SH3KBP1: variants seen among roughly 807,000 people sequenced by gnomAD.
The protein encoded by SH3KBP1 is SH3 domain-containing kinase-binding protein 1.
In SH3KBP1, 8 loss-of-function variants were observed where a neutral mutation model predicts 50.1. The observed-to-expected ratio is 0.16, with a 90% CI of 0.09 to 0.29. The LOEUF (loss-of-function observed/expected upper bound fraction) is 0.29. Ranked by LOEUF, SH3KBP1 falls within the 10% of genes least tolerant of loss-of-function variation. The pLI, the probability that SH3KBP1 is intolerant of heterozygous loss-of-function variation, is 1.00. For missense variants in SH3KBP1, 377 were observed against 535.2 expected (o/e 0.70, Z 2.92); for synonymous variants, 227 against 218.6 (o/e 1.04, Z -0.34).
chrX:19,567,011 G>A (rs766340984), intron 13 of SH3KBP1, among the ~76,000 whole-genome samples: 11 of 110,557 alleles, frequency 9.9e-5, no homozygotes, highest in African/African-American at 3.3e-4. Context: ...GCCAACCATC[G>A]CACATCTGTT....
At chrX:19,773,971 T>C (rs982119901) in intron 2 of SH3KBP1, among the ~76,000 whole-genome samples, 2 of 107,740 alleles carry the variant, frequency 1.9e-5, no homozygotes, top group Non-Finnish European at 3.8e-5. Context: ...CATGTGGCTC[T>C]GGGGAGAAGA....
intron 2 of SH3KBP1, among the ~76,000 whole-genome samples, chrX:19,834,484 AG>A (rs2068003482): frequency 8.9e-6 from 1 of 112,290 alleles, no homozygotes; most frequent in African/African-American, 3.2e-5. Context: ...GTTTATGGCA[AG>A]GGGACTTCTA....
In SH3KBP1 at chrX:19,634,543, AC is replaced by A. The variant is rs199827853; in HGVS notation, c.803-2586del. On this transcript the variant is annotated intron_variant, in intron 7 of 17. Transcript: ENST00000397821. ...TGCAGCATATCTCAGCCCTCTTTGC[AC>A]CCCCCAAAACCGGACACAGAGCTCC... 9.8e-3 allele frequency among the ~76,000 whole-genome samples: 1,087 copies of A among 110,738 alleles called. 6 individuals carry two copies. Among genetic ancestry groups the A allele is most frequent in the Middle Eastern group, 0.023 (5 of 213 alleles).
At chrX:19,678,181 A>G (rs146387712) in intron 6 of SH3KBP1, among the ~76,000 whole-genome samples, 3,815 of 111,716 alleles carry the variant, frequency 0.034, 173 homozygotes, top group African/African-American at 0.12. Flanking sequence ...AATAAAACGT[A>G]TGCACAGAGA....
chrX:19,643,130 A>T (rs1010795337), intron 7 of SH3KBP1, among the ~76,000 whole-genome samples: 4 of 108,756 alleles, frequency 3.7e-5, no homozygotes, highest in African/African-American at 6.7e-5. Context: ...TTACCTAAAC[A>T]TAGGTGTCGT....
At chrX:19,640,987 G>T (rs2061842490) in intron 7 of SH3KBP1, among the ~76,000 whole-genome samples, 1 of 112,241 alleles carries the variant, frequency 8.9e-6, no homozygotes, top group African/African-American at 3.2e-5. Context: ...AGAAAATTCT[G>T]TAATTTGGCT....
intron 3 of SH3KBP1, among the ~76,000 whole-genome samples, chrX:19,710,078 T>C (rs72616084): frequency 0.21 from 22,951 of 111,199 alleles, 2,014 homozygotes; most frequent in African/African-American, 0.32. Flanking sequence ...AGTCCCCCCT[T>C]ATCAACAGTT....
At chrX:19,684,760 C>G (rs2063130037) in intron 5 of SH3KBP1, among the ~76,000 whole-genome samples, 2 of 112,115 alleles carry the variant, frequency 1.8e-5, no homozygotes, top group South Asian at 7.4e-4. Context: ...CAGTGTTTTC[C>G]CAAAGCTGAA....
chrX:19,753,946 C>T (rs1603198176), intron 2 of SH3KBP1, among the ~76,000 whole-genome samples: 1 of 112,175 alleles, frequency 8.9e-6, no homozygotes, highest in African/African-American at 3.2e-5. Context: ...ATGGCTTTCT[C>T]ATACTTACAA....
At chrX:19,786,018 T>G (rs1490708733) in intron 2 of SH3KBP1, among the ~76,000 whole-genome samples, 4 of 112,193 alleles carry the variant, frequency 3.6e-5, no homozygotes, top group Non-Finnish European at 7.5e-5. Flanking sequence ...ACAATGTGCA[T>G]GTACTTAGTG....
intron 3 of SH3KBP1, among the ~76,000 whole-genome samples, chrX:19,735,789 T>C (rs1372763550): frequency 9.8e-6 from 1 of 102,237 alleles, no homozygotes; most frequent in Non-Finnish European, 2.0e-5. Flanking sequence ...AGCGGCGCGA[T>C]CTCGGCTCAC....
At chrX:19,799,566 T>C (rs1603251255) in intron 2 of SH3KBP1, 4 of 1,082,405 alleles carry the variant, frequency 3.7e-6, no homozygotes, top group East Asian at 3.0e-5. Context: ...GCCTACAAAG[T>C]AGTCGGGCAA....
At position 19,813,100 on chromosome X, in the gene SH3KBP1, G is replaced by A. The variant is rs754489981; in HGVS notation, c.162+23025C>T. On this transcript the variant is annotated intron_variant, in intron 2 of 17. Transcript: ENST00000397821. ...CGAGGCTGCAGTGAGCCATGATCGCGCCACTGCACTCCAGCCTGGGCAACA... is the reference window on the plus strand; with the variant it reads ...CGAGGCTGCAGTGAGCCATGATCGCACCACTGCACTCCAGCCTGGGCAACA... Among the ~76,000 whole-genome samples, 7 of 107,561 alleles carry A rather than the reference G, an allele frequency of 6.5e-5. No homozygotes were observed. The East Asian group carries it at 1.5e-3, about 22-fold the overall frequency. The allele number at this position is 107,561 out of a possible 115,157, so 93.4% of individuals were successfully genotyped here.
chrX:19,863,072 T>G (rs1182127636), intron 1 of SH3KBP1, among the ~76,000 whole-genome samples: 1 of 112,341 alleles, frequency 8.9e-6, no homozygotes, highest in African/African-American at 3.2e-5. Flanking sequence ...CCCTGTCCCC[T>G]CCCTGGGGGT....
At chrX:19,583,707 T>C (rs1234955481) in intron 12 of SH3KBP1, among the ~76,000 whole-genome samples, 1 of 108,072 alleles carries the variant, frequency 9.3e-6, no homozygotes, top group Non-Finnish European at 1.9e-5. Context: ...AACTGTGAAC[T>C]GGAACACCTG....
chrX:19,635,716 T>G (rs755324973), intron 7 of SH3KBP1, among the ~76,000 whole-genome samples: 39 of 110,705 alleles, frequency 3.5e-4, no homozygotes, highest in Non-Finnish European at 6.8e-4. Flanking sequence ...ACCACCACCA[T>G]GAAAAAGACA....
chrX:19,584,483 C>T (rs946549901), intron 12 of SH3KBP1, among the ~76,000 whole-genome samples: 2 of 106,832 alleles, frequency 1.9e-5, no homozygotes, highest in Non-Finnish European at 3.8e-5. Context: ...ATGTGTACCA[C>T]CATGCCTGCA....
intron 6 of SH3KBP1, among the ~76,000 whole-genome samples, chrX:19,651,232 C>A (rs144955036): frequency 9.0e-6 from 1 of 110,628 alleles, no homozygotes; most frequent in South Asian, 3.9e-4. Context: ...TGTGCTTCCC[C>A]GGAAGCTTTT....
intron 14 of SH3KBP1, among the ~76,000 whole-genome samples, chrX:19,547,715 C>A (rs2065125070): frequency 8.9e-6 from 1 of 111,845 alleles, no homozygotes; most frequent in South Asian, 3.7e-4. Context: ...CTCTTTGAGT[C>A]CTATAAACAT....
Sources: gnomAD v4.1 joint callset for allele counts (sites outside exome capture counted in the v4.1 genomes callset) on GRCh38, gnomAD v4.1.1 for gene constraint, MANE v1.5 for transcripts, NCBI Gene and HGNC (gene_info 2026-07-23, HGNC 2026-07-21) for gene names.